AFAP1L2: variants seen among roughly 807,000 people sequenced by gnomAD.
The protein encoded by AFAP1L2 is actin filament associated protein 1 like 2, also known as actin filament-associated protein 1-like 2.
AFAP1L2 carries 46 observed loss-of-function variants against 99.3 expected under a neutral mutation model. The observed-to-expected ratio is 0.46, with a 90% CI of 0.37 to 0.59. The LOEUF (loss-of-function observed/expected upper bound fraction) is 0.59, where lower values mean the gene tolerates loss of function less well. AFAP1L2 is among the 20% of genes least tolerant of loss of function. The probability of loss-of-function intolerance (pLI) is 0.00; values close to 1 mark genes in which losing one functional copy is unlikely to be tolerated. For synonymous variants in AFAP1L2, 397 were observed against 419.1 expected, an observed-to-expected ratio of 0.95 and a Z score of 0.64; for missense variants, 959 against 1,034.9, an observed-to-expected ratio of 0.93 and a Z score of 1.01.
intron 1 of AFAP1L2, among the ~76,000 whole-genome samples, chr10:114,404,051 C>T (rs1589557770): frequency 6.6e-6 from 1 of 152,234 alleles, no homozygotes; most frequent in Non-Finnish European, 1.5e-5. Flanking sequence ...CGACCCTTTG[C>T]CCCCAGCAGC....
chr10:114,325,449 C>T (rs995161167), intron 4 of AFAP1L2, among the ~76,000 whole-genome samples: 3 of 152,218 alleles, frequency 2.0e-5, no homozygotes, highest in African/African-American at 7.2e-5. Flanking sequence ...CTGGGTCCAG[C>T]ACCAGATCTG....
intron 1 of AFAP1L2, among the ~76,000 whole-genome samples, chr10:114,379,688 G>A (rs765771673): frequency 4.6e-5 from 7 of 152,134 alleles, no homozygotes; most frequent in African/African-American, 7.2e-5. Context: ...TTTATGTTCC[G>A]CATGGGTTTA....
At chr10:114,291,504 A>G (rs1234737459), downstream of AFAP1L2, 1 of 458,570 alleles carries the variant, frequency 2.2e-6, no homozygotes, top group Non-Finnish European at 3.9e-6. Flanking sequence ...GTAAATACCC[A>G]CTTTCTGTAC....
rs74470373 is a variant in AFAP1L2, at chr10:114,327,753, T to C, written c.315+4050A>G. Among the ~76,000 whole-genome samples, 1,081 of 152,278 alleles carry C rather than the reference T, an allele frequency of 7.1e-3. 13 individuals are homozygous for C. Among genetic ancestry groups the C allele is most frequent in the African/African-American group, 0.024 (1,011 of 41,554 alleles). ...ACTATTTACTAAAGGATGTTACAGA[T>C]CAGATTTGGCCAGTGAGCTACAGTT... On this transcript the variant is annotated intron_variant, in intron 4 of 18. Transcript: ENST00000304129.
chr10:114,362,515 C>A (rs1442446520), intron 1 of AFAP1L2, among the ~76,000 whole-genome samples: 2 of 152,150 alleles, frequency 1.3e-5, no homozygotes, highest in African/African-American at 4.8e-5. Flanking sequence ...GAACACAGGG[C>A]ACTCCCAAAA....
rs1248353442 is a variant in AFAP1L2 at position 114,327,171 on chromosome 10, ATATTTTTT to A, written c.316-3918_316-3911del. ...TTTATATATATATATATATATATAT[ATATTTTTT>A]TTTTAGGCAGAGTCTCACTGTGTTG... On this transcript the variant is annotated intron_variant, in intron 4 of 18. Transcript: ENST00000304129. Among the ~76,000 whole-genome samples, 339 of 68,292 alleles carry A rather than the reference ATATTTTTT, an allele frequency of 5.0e-3. 92 individuals carry two copies. In the East Asian group the frequency reaches 0.052, roughly 10 times the overall value. 44.8% of individuals were successfully genotyped at this position (68,292 alleles called of 152,430 possible).
chr10:114,342,586 AG>A (rs1353204993), intron 1 of AFAP1L2, among the ~76,000 whole-genome samples: 1 of 152,080 alleles, frequency 6.6e-6, no homozygotes, highest in Non-Finnish European at 1.5e-5. Flanking sequence ...GGGAGGTAGG[AG>A]GGTAAGAGTC....
the AFAP1L2 span, chr10:114,281,859 G>A: frequency 2.1e-5 from 12 of 561,288 alleles, no homozygotes; most frequent in Non-Finnish European, 1.1e-5. Context: ...CATGTCTGTG[G>A]TCACACAGCC....
chr10:114,376,521 AG>A (rs1258970042), intron 1 of AFAP1L2, among the ~76,000 whole-genome samples: 1 of 152,240 alleles, frequency 6.6e-6, no homozygotes, highest in African/African-American at 2.4e-5. Context: ...GAGCCTATTC[AG>A]CTTCTCTTAC....
the AFAP1L2 span, among the ~76,000 whole-genome samples, chr10:114,283,748 A>C: frequency 6.6e-6 from 1 of 152,248 alleles, no homozygotes; most frequent in South Asian, 2.1e-4. Context: ...GGCACATAAT[A>C]GATGCTCAGT....
chr10:114,380,776 G>T (rs900942756), intron 1 of AFAP1L2, among the ~76,000 whole-genome samples: 4 of 152,148 alleles, frequency 2.6e-5, no homozygotes, highest in Non-Finnish European at 5.9e-5. Flanking sequence ...GTATCCATCT[G>T]GAAAAATGCA....
chr10:114,365,512 G>A (rs1019775024), intron 1 of AFAP1L2, among the ~76,000 whole-genome samples: 8 of 152,140 alleles, frequency 5.3e-5, no homozygotes, highest in African/African-American at 9.6e-5. Context: ...CTAGGATCAG[G>A]TTGAGAAAGA....
chr10:114,323,981 G>C (rs1289499374), intron 4 of AFAP1L2, among the ~76,000 whole-genome samples: 2 of 152,202 alleles, frequency 1.3e-5, no homozygotes, highest in Non-Finnish European at 2.9e-5. Context: ...CCTCAAAGAT[G>C]ACCCTGAGCT....
intron 1 of AFAP1L2, among the ~76,000 whole-genome samples, chr10:114,381,266 A>G (rs1286826511): frequency 6.6e-6 from 1 of 152,220 alleles, no homozygotes; most frequent in Non-Finnish European, 1.5e-5. Flanking sequence ...TGCCAAGTCA[A>G]AGAAGTCTGT....
chr10:114,325,853 T>C, intron 4 of AFAP1L2: 1 of 1,275,472 alleles, frequency 7.8e-7, no homozygotes, highest in Non-Finnish European at 1.0e-6. Context: ...ACAGGCTCCC[T>C]AGGGTCCACA....
At chr10:114,308,240 C>A (rs1590017265) in intron 9 of AFAP1L2, among the ~76,000 whole-genome samples, 193 bp downstream of exon 9, 1 of 152,228 alleles carries the variant, frequency 6.6e-6, no homozygotes, top group Non-Finnish European at 1.5e-5. Flanking sequence ...AACATTCTAT[C>A]CCCAGCATTT....
chr10:114,285,842 C>A, the AFAP1L2 span: 3 of 1,288,502 alleles, frequency 2.3e-6, no homozygotes, highest in East Asian at 7.5e-5. Context: ...TTTCTCTGCA[C>A]CATCTCCCTC....
rs1554956154 is a variant in AFAP1L2 at position 114,382,588 on chromosome 10, CTTTTTTT to C, written c.16+21845_16+21851del. Among the ~76,000 whole-genome samples, 16 of 93,290 alleles carry C rather than the reference CTTTTTTT, an allele frequency of 1.7e-4. 1 individual carries two copies. The highest frequency in any genetic ancestry group is 6.4e-4 in the East Asian group (2 of 3,114). The allele number at this position is 93,290 out of a possible 152,430, so 61.2% of individuals were successfully genotyped here. A position where few individuals can be genotyped will look rare whatever the true frequency, so the allele number is the denominator to read the frequency against. On this transcript the variant is annotated intron_variant, in intron 1 of 18. Transcript: ENST00000304129. ...CAATGATATTATGTATATTTCTTCT[CTTTTTTT>C]TTTTTTTTTTTTTTTGAGACCGAGT... is the stretch of plus-strand genomic sequence containing the variant.
chr10:114,366,059 A>G (rs569209223), intron 1 of AFAP1L2, among the ~76,000 whole-genome samples: 2 of 152,272 alleles, frequency 1.3e-5, no homozygotes, highest in South Asian at 4.1e-4. Context: ...CTAGATGCTC[A>G]TCACGTACTT....
Sources: gnomAD v4.1 joint callset for allele counts (sites outside exome capture counted in the v4.1 genomes callset) on GRCh38, gnomAD v4.1.1 for gene constraint, MANE v1.5 for transcripts, NCBI Gene and HGNC (gene_info 2026-07-23, HGNC 2026-07-21) for gene names.